The following RGS22 variants were observed in gnomAD, a reference collection of about 807,000 sequenced individuals.
The protein encoded by RGS22 is regulator of G protein signaling 22.
Under a neutral mutation model 172.9 loss-of-function variants are expected in RGS22, and 148 were observed. The ratio of observed to expected loss-of-function variants is 0.86; its 90% CI spans 0.75 to 0.98. The LOEUF (loss-of-function observed/expected upper bound fraction) is 0.98. Ranked by LOEUF, RGS22 falls within the 50% of genes least tolerant of loss-of-function variation. The pLI is 0.00. For missense variants in RGS22, 1,347 were observed against 1,440.8 expected (o/e 0.93, Z 1.05); for synonymous variants, 458 against 480.2 (o/e 0.95, Z 0.60).
Position 99,986,911 on chromosome 8 carries a change from T to A in RGS22, c.3180+547A>T, listed in dbSNP as rs549119001. Among the ~76,000 whole-genome samples the A allele has an allele frequency of 1.7e-3, 262 of 152,250 alleles. 2 individuals are homozygous for A. The highest frequency in any genetic ancestry group is 6.0e-3 in the African/African-American group (250 of 41,562). Reference sequence around the variant, plus strand: ...AAATATGTACAGTACATTTAAGAGATAATTGATGTGTAGAAATATAGTTAA... The same window carrying A: ...AAATATGTACAGTACATTTAAGAGAAAATTGATGTGTAGAAATATAGTTAA... On this transcript the variant is annotated intron_variant, in intron 21 of 27. Transcript: ENST00000360863.
chr8:100,019,961 C>T (rs915045663), intron 14 of RGS22, among the ~76,000 whole-genome samples: 53 of 28,634 alleles, frequency 1.9e-3, no homozygotes, highest in African/African-American at 5.3e-3. Context: ...CTCGGCTCAC[C>T]GCAACCTCCG....
intron 14 of RGS22, among the ~76,000 whole-genome samples, chr8:100,027,744 A>G (rs1321881336): frequency 6.6e-6 from 1 of 152,106 alleles, no homozygotes; most frequent in African/African-American, 2.4e-5. Context: ...CAGCCTCCCA[A>G]AGTGCTGGGA....
intron 21 of RGS22, among the ~76,000 whole-genome samples, chr8:99,982,380 A>G (rs1440564095): frequency 6.6e-6 from 1 of 152,214 alleles, no homozygotes; most frequent in African/African-American, 2.4e-5. Context: ...AAGGAATGAC[A>G]TTAGTATCTA....
At chr8:100,024,928 G>A (rs1398024384) in intron 14 of RGS22, among the ~76,000 whole-genome samples, 2 of 151,930 alleles carry the variant, frequency 1.3e-5, no homozygotes, top group Non-Finnish European at 2.9e-5. Context: ...CGAAACGTCA[G>A]GTATAATAGA....
chr8:100,008,559 G>A lies in RGS22; in HGVS notation c.2177C>T (p.Ala726Val). ...AGTGGCAGAAGGAGCAACGTATGTG[G>A]CAAAAAGATACTGAAGGAGAAGAGG... ...KVCKQAQYLFATYVAPSATLD... is the reference protein window; with the variant it reads ...KVCKQAQYLFVTYVAPSATLD... Residue 726 changes from alanine (A) to valine (V), a missense_variant, in exon 15 of 28, where the codon GCC becomes GTC. Transcript: ENST00000360863. 6.2e-7 allele frequency: 1 copy of A among 1,606,254 alleles called. No individual in the cohort carries two copies. The highest frequency in any genetic ancestry group is 8.5e-7 in the Non-Finnish European group (1 of 1,177,642).
intron 14 of RGS22, among the ~76,000 whole-genome samples, chr8:100,015,852 T>A (rs968689384): frequency 6.6e-6 from 1 of 152,154 alleles, no homozygotes; most frequent in Non-Finnish European, 1.5e-5. Flanking sequence ...GACCTCACAC[T>A]CATATTTTGC....
chr8:100,019,479 G>T (rs2131444345), intron 14 of RGS22, among the ~76,000 whole-genome samples: 1 of 152,324 alleles, frequency 6.6e-6, no homozygotes, highest in East Asian at 1.9e-4. Context: ...AAAGTGAAAT[G>T]TAAAACTTTG....
At position 99,982,028 on chromosome 8, in the gene RGS22, G is replaced by T. The variant is rs1328646439; in HGVS notation, c.3269C>A (p.Pro1090Gln). 1 of 1,613,552 alleles carries T rather than the reference G, an allele frequency of 6.2e-7. No homozygotes were observed. Among genetic ancestry groups the T allele is most frequent in the Middle Eastern group, 1.7e-4 (1 of 6,058 alleles). The change falls in exon 22 of 28, where the codon CCA becomes CAA. Residue 1090 changes from proline (P) to glutamine (Q), a missense_variant. Transcript: ENST00000360863. ...TACTGGAATGTCAATTTGTAAAGCT[G>T]GTGGAATACTGGAATTAATAAAGCA... is the stretch of plus-strand genomic sequence containing the variant. ...INCFINSSIP[P>Q]ALQIDIPVEQ...
intron 22 of RGS22, among the ~76,000 whole-genome samples, chr8:99,978,783 T>C (rs183772507): frequency 6.6e-6 from 1 of 152,296 alleles, no homozygotes; most frequent in African/African-American, 2.4e-5. Context: ...TCCAAGAAGG[T>C]AGGACTTGCC....
intron 22 of RGS22, among the ~76,000 whole-genome samples, chr8:99,981,089 A>G (rs1335713526): frequency 6.6e-6 from 1 of 152,214 alleles, no homozygotes; most frequent in Non-Finnish European, 1.5e-5. Context: ...TCTGTTTCAT[A>G]TCACTTCATT....
intron 11 of RGS22, among the ~76,000 whole-genome samples, chr8:100,044,769 A>G (rs1820538627): frequency 6.6e-6 from 1 of 151,946 alleles, no homozygotes; most frequent in Admixed American, 6.6e-5. Context: ...CCATGCCCAC[A>G]GCTTCAACTA....
At position 100,105,491 on chromosome 8, in the gene RGS22, G is replaced by C. The variant is rs1418807906; in HGVS notation, c.26-89C>G. 4.7e-6 allele frequency: 5 copies of C among 1,067,936 alleles called. No homozygotes were observed. The Middle Eastern group carries it at 6.1e-4, about 130-fold the overall frequency. The allele number at this position is 1,067,936 out of a possible 1,614,324, so 66.2% of individuals were successfully genotyped here. On this transcript the variant is annotated intron_variant, in intron 1 of 27. Coordinates refer to ENST00000360863, the MANE Select transcript of RGS22 (RefSeq NM_015668.5). Reference sequence around the variant, plus strand: ...CATGGGAGACAGCACCTAGCCCTACGTTATACACAGGCAAACGTAGCACAT... The same window carrying C: ...CATGGGAGACAGCACCTAGCCCTACCTTATACACAGGCAAACGTAGCACAT...
At chr8:99,969,389 CAA>C (rs2131114549) in intron 23 of RGS22, among the ~76,000 whole-genome samples, 1 of 152,224 alleles carries the variant, frequency 6.6e-6, no homozygotes, top group Admixed American at 6.5e-5. Context: ...TCACACATAA[CAA>C]TATTAACCTT....
rs12546559 is a variant in RGS22, at chr8:99,962,750, T to C, written c.3727A>G (p.Asn1243Asp). Residue 1243 changes from asparagine to aspartate, a missense_variant, in exon 26 of 28, where the codon AAT becomes GAT. Coordinates refer to ENST00000360863, the MANE Select transcript of RGS22 (RefSeq NM_015668.5). Reference protein sequence around the residue: ...KLFAGLQPLTNFKASSSTMSL... With the variant: ...KLFAGLQPLTDFKASSSTMSL... ...ATAGTTGAAGAGCTAGCCTTAAAAT[T>C]TGTGAGAGGTTGCAAGCCTGCACAA... The C allele has an allele frequency of 9.7e-5, 157 of 1,611,372 alleles. 1 individual carries two copies. The South Asian group carries it at 1.3e-3, about 14-fold the overall frequency.
chr8:100,009,347 C>T (rs946959208), intron 14 of RGS22, among the ~76,000 whole-genome samples: 1 of 147,968 alleles, frequency 6.8e-6, no homozygotes, highest in Non-Finnish European at 1.5e-5. Context: ...TGAACCCGGG[C>T]GGCAGAGATT....
chr8:99,962,270 A>G, intron 27 of RGS22, 124 bp downstream of exon 27: 1 of 647,280 alleles, frequency 1.5e-6, no homozygotes, highest in Non-Finnish European at 2.7e-6. Context: ...TCTCCTCCCC[A>G]TCGACTTATT....
At chr8:100,035,954 G>C (rs749942300) in intron 14 of RGS22, among the ~76,000 whole-genome samples, 9 of 152,114 alleles carry the variant, frequency 5.9e-5, no homozygotes, top group Non-Finnish European at 1.2e-4. Flanking sequence ...ACTGGGGCCT[G>C]TTGTGGAGTG....
At chr8:100,024,124 G>A (rs7004782) in intron 14 of RGS22, 28,998 of 151,920 alleles carry the variant, frequency 0.19, 2,975 homozygotes, top group African/African-American at 0.26. Flanking sequence ...GCGCCACCAC[G>A]CCCGGCTAAT....
chr8:100,011,126 A>G (rs1237829263), intron 14 of RGS22, among the ~76,000 whole-genome samples: 1 of 152,126 alleles, frequency 6.6e-6, no homozygotes, highest in Non-Finnish European at 1.5e-5. Flanking sequence ...ACACTGGCTA[A>G]AGGAAAGAGG....
Sources: allele counts gnomAD v4.1 joint callset (sites outside exome capture counted in the v4.1 genomes callset), GRCh38; gene constraint gnomAD v4.1.1; transcripts MANE v1.5; gene names NCBI Gene and HGNC (gene_info 2026-07-23, HGNC 2026-07-21).